The following AP1G1 variants were observed in gnomAD, a reference collection of about 807,000 sequenced individuals.
The protein encoded by AP1G1 is AP-1 complex subunit gamma-1.
AP1G1 carries 7 observed loss-of-function variants against 108.3 expected under a neutral mutation model. The ratio of observed to expected loss-of-function variants is 0.06; its 90% confidence interval spans 0.04 to 0.12. The LOEUF (loss-of-function observed/expected upper bound fraction) is 0.12, where lower values mean the gene tolerates loss of function less well. Among genes scored for constraint, AP1G1 ranks in the 10% least tolerant of loss-of-function variants. The pLI, the probability that AP1G1 is intolerant of heterozygous loss-of-function variation, is 1.00. For synonymous variants in AP1G1, 379 were observed against 353.5 expected (o/e 1.07, Z -0.81); for missense variants, 756 against 1,010.7 (o/e 0.75, Z 3.42).
intron 13 of AP1G1, among the ~76,000 whole-genome samples, chr16:71,750,820 A>G (rs182579243): frequency 3.9e-5 from 6 of 152,198 alleles, no homozygotes; most frequent in Admixed American, 6.5e-5. Context: ...TCTTATTTAA[A>G]TATGTTACAT....
chr16:71,798,000 T>C (rs2032646138), intron 1 of AP1G1, among the ~76,000 whole-genome samples: 2 of 152,088 alleles, frequency 1.3e-5, no homozygotes, highest in South Asian at 4.1e-4. Context: ...CCATTGACAA[T>C]AGTGTCAAAA....
At chr16:71,798,225 A>C (rs1455176178) in intron 1 of AP1G1, among the ~76,000 whole-genome samples, 1 of 151,634 alleles carries the variant, frequency 6.6e-6, no homozygotes, top group Admixed American at 6.6e-5. Flanking sequence ...TGGGAGGATC[A>C]CTTGAGGCCA....
At chr16:71,738,603 T>G (rs2045579632) in intron 21 of AP1G1, among the ~76,000 whole-genome samples, 1 of 152,162 alleles carries the variant, frequency 6.6e-6, no homozygotes, top group Non-Finnish European at 1.5e-5. Flanking sequence ...TATGCCATAT[T>G]TTATGTTTTT....
intron 2 of AP1G1, among the ~76,000 whole-genome samples, chr16:71,780,228 A>T (rs541292488): frequency 6.6e-6 from 1 of 152,158 alleles, no homozygotes; most frequent in East Asian, 1.9e-4. Flanking sequence ...TCCTGACCTC[A>T]AGCAATCCAC....
intron 10 of AP1G1, among the ~76,000 whole-genome samples, chr16:71,760,079 C>T (rs1567648903): frequency 6.6e-6 from 1 of 152,024 alleles, no homozygotes; most frequent in Non-Finnish European, 1.5e-5. Context: ...CTATGTTGCC[C>T]AGGCTGGTCT....
chr16:71,785,286 C>T (rs541115204), intron 2 of AP1G1, among the ~76,000 whole-genome samples: 2 of 151,908 alleles, frequency 1.3e-5, no homozygotes, highest in African/African-American at 4.8e-5. Context: ...AAAAGTCTTC[C>T]AATAACTAGG....
intron 2 of AP1G1, among the ~76,000 whole-genome samples, chr16:71,785,614 G>A (rs1451905023): frequency 2.0e-5 from 3 of 150,524 alleles, no homozygotes; most frequent in Non-Finnish European, 4.4e-5. Flanking sequence ...GCTGGGAATG[G>A]TGGCTCACGC....
intron 19 of AP1G1, among the ~76,000 whole-genome samples, chr16:71,741,440 G>A (rs28757746): frequency 0.042 from 6,402 of 152,082 alleles, 362 homozygotes; most frequent in African/African-American, 0.13. Flanking sequence ...AAAATTAGCC[G>A]GGTGTGGTGG....
At position 71,773,291 on chromosome 16, in the gene AP1G1, T is replaced by A; in HGVS notation, c.398A>T (p.Glu133Val). ...LCTLGCMGSS[E>V]MCRDLAGEVE... is the part of the protein sequence containing the mutation. ...CTCTCCTGCAAGATCTCTGCACATCTCTGAGGAGCCCATGCAGCCGAGGGT... is the reference window on the plus strand; with the variant it reads ...CTCTCCTGCAAGATCTCTGCACATCACTGAGGAGCCCATGCAGCCGAGGGT... Residue 133 changes from glutamate to valine, a missense_variant, in exon 4 of 23, where the codon GAG becomes GTG. Transcript: ENST00000299980. 6.2e-7 allele frequency: 1 copy of A among 1,604,412 alleles called. No individual in the cohort carries two copies. Among genetic ancestry groups the A allele is most frequent in the Non-Finnish European group, 8.5e-7 (1 of 1,177,592 alleles).
At chr16:71,771,350 A>C in intron 4 of AP1G1, 98 bp from the exon 5 acceptor site, 3 of 642,248 alleles carry the variant, frequency 4.7e-6, no homozygotes, top group Non-Finnish European at 7.7e-6. Flanking sequence ...CTCACCAACT[A>C]GTTCATCTAC....
intron 2 of AP1G1, among the ~76,000 whole-genome samples, chr16:71,777,284 G>A (rs60573543): frequency 4.6e-5 from 7 of 151,126 alleles, no homozygotes; most frequent in African/African-American, 1.7e-4. Context: ...AGGGGATGCA[G>A]AGGTTAGGCA....
chr16:71,789,641 G>A (rs2032326137), intron 1 of AP1G1, among the ~76,000 whole-genome samples, 159 bp from the exon 2 acceptor site: 1 of 152,188 alleles, frequency 6.6e-6, no homozygotes, highest in Non-Finnish European at 1.5e-5. Flanking sequence ...CTTCCGCAAA[G>A]CTATTACATA....
intron 5 of AP1G1, among the ~76,000 whole-genome samples, 178 bp from the exon 6 acceptor site, chr16:71,769,877 T>C (rs932971849): frequency 4.6e-5 from 7 of 152,224 alleles, no homozygotes; most frequent in Non-Finnish European, 1.0e-4. Flanking sequence ...AGATGCCTGA[T>C]TTAAAACTGG....
intron 1 of AP1G1, among the ~76,000 whole-genome samples, chr16:71,802,076 A>AT: frequency 6.6e-6 from 1 of 152,182 alleles, no homozygotes; most frequent in Non-Finnish European, 1.5e-5. Flanking sequence ...AGCATTTCAG[A>AT]TAAGAGATAC....
At chr16:71,764,832 G>C in intron 7 of AP1G1, 106 bp from the exon 8 acceptor site, 1 of 695,912 alleles carries the variant, frequency 1.4e-6, no homozygotes. Context: ...AATTCATTTG[G>C]AACCATTTAT....
intron 1 of AP1G1, among the ~76,000 whole-genome samples, chr16:71,790,809 T>C (rs1184928550): frequency 2.0e-5 from 3 of 152,164 alleles, no homozygotes; most frequent in African/African-American, 7.2e-5. Flanking sequence ...GGAAAATCTT[T>C]GCAAACAGGT....
chr16:71,739,227 A>G lies in AP1G1; in HGVS notation c.2107+7T>C. The G allele has an allele frequency of 6.2e-7, 1 of 1,612,136 alleles. No homozygotes were observed. The highest frequency in any genetic ancestry group is 2.2e-5 in the East Asian group (1 of 44,878). The stretch of plus-strand genomic sequence containing the variant: ...CCATGTAATGATGGTAACAACAGTC[A>G]TCGTACCTGCAGCAATATCATTGAA... On this transcript the variant is annotated splice_region_variant and intron_variant, in intron 20 of 22. Coordinates refer to ENST00000299980, the MANE Select transcript of AP1G1 (RefSeq NM_001128.6).
intron 1 of AP1G1, among the ~76,000 whole-genome samples, chr16:71,804,409 T>A (rs1001319423): frequency 7.2e-5 from 2 of 27,862 alleles, no homozygotes; most frequent in African/African-American, 1.4e-4. Context: ...GCTCTCTTAA[T>A]TTTTTTTTTT....
rs373736925 is a variant in AP1G1, at chr16:71,748,983, T to C, written c.1498-605A>G. 5.3e-5 allele frequency among the ~76,000 whole-genome samples: 8 copies of C among 151,992 alleles called. No homozygotes were observed. The South Asian group carries it at 1.2e-3, about 24-fold the overall frequency. On this transcript the variant is annotated intron_variant, in intron 15 of 22. Transcript: ENST00000299980. ...ATGCAGTGGCGCAATCTTGGCTCAC[T>C]GCAAGCTCCACCTCCCGGGTTCACG... is the stretch of plus-strand genomic sequence containing the variant.
Sources: gnomAD v4.1 joint callset for allele counts (sites outside exome capture counted in the v4.1 genomes callset) on GRCh38, gnomAD v4.1.1 for gene constraint, MANE v1.5 for transcripts, NCBI Gene and HGNC (gene_info 2026-07-23, HGNC 2026-07-21) for gene names.